The following ARB2A variants were observed in gnomAD, a reference collection of about 807,000 sequenced individuals.
The protein encoded by ARB2A is ARB2 cotranscriptional regulator A, also known as cotranscriptional regulator ARB2A.
At chr5:93,983,753 T>C in the ARB2A span, among the ~76,000 whole-genome samples, 3 of 152,220 alleles carry the variant, frequency 2.0e-5, no homozygotes, top group Non-Finnish European at 2.9e-5. Flanking sequence ...AATCACACGC[T>C]CTTGATATCA....
chr5:93,890,128 T>C, the ARB2A span, among the ~76,000 whole-genome samples: 1 of 151,946 alleles, frequency 6.6e-6, no homozygotes, highest in African/African-American at 2.4e-5. Flanking sequence ...ATGCCTCTGC[T>C]TTACAGTATC....
chr5:93,882,856 T>C, the ARB2A span, among the ~76,000 whole-genome samples: 1 of 151,510 alleles, frequency 6.6e-6, no homozygotes, highest in Admixed American at 6.6e-5. Flanking sequence ...ATAAAACTTA[T>C]AAAATCTCAT....
chr5:93,939,929 AT>A, the ARB2A span, among the ~76,000 whole-genome samples: 10 of 151,966 alleles, frequency 6.6e-5, no homozygotes, highest in Non-Finnish European at 7.4e-5. Context: ...ATAAAGTCAA[AT>A]GTGAATGGCC....
chr5:93,973,702 T>A, the ARB2A span, among the ~76,000 whole-genome samples: 1 of 152,116 alleles, frequency 6.6e-6, no homozygotes, highest in Admixed American at 6.5e-5. Context: ...TCCATGAGAT[T>A]AACAGCAGAA....
the ARB2A span, among the ~76,000 whole-genome samples, chr5:93,885,434 C>T: frequency 6.6e-6 from 1 of 151,572 alleles, no homozygotes; most frequent in Non-Finnish European, 1.5e-5. Flanking sequence ...TTCAAATATA[C>T]ATCGAAACCC....
chr5:93,859,444 A>G, the ARB2A span, among the ~76,000 whole-genome samples: 1 of 152,154 alleles, frequency 6.6e-6, no homozygotes, highest in Non-Finnish European at 1.5e-5. Flanking sequence ...ATATATTTGT[A>G]TCACCTAGGC....
chr5:93,672,267 T>C, the ARB2A span, among the ~76,000 whole-genome samples: 1 of 152,000 alleles, frequency 6.6e-6, no homozygotes, highest in Non-Finnish European at 1.5e-5. Context: ...CTTTTGGCAG[T>C]AGTCTTAAAA....
chr5:93,656,811 G>T, the ARB2A span, among the ~76,000 whole-genome samples: 3 of 148,400 alleles, frequency 2.0e-5, no homozygotes, highest in African/African-American at 5.0e-5. Context: ...TTTATAAGTT[G>T]TTTTTTTTTT....
the ARB2A span, among the ~76,000 whole-genome samples, chr5:93,991,833 G>A: frequency 6.6e-6 from 1 of 151,928 alleles, no homozygotes; most frequent in East Asian, 1.9e-4. Flanking sequence ...TTGTGGATGG[G>A]AGAAAAGATA....
the ARB2A span, chr5:93,734,493 A>T: frequency 1.8e-4 from 28 of 152,336 alleles, no homozygotes; most frequent in African/African-American, 6.7e-4. Context: ...GAAAATGCAC[A>T]TATGTACAAA....
chr5:93,909,326 C>A, the ARB2A span, among the ~76,000 whole-genome samples: 1 of 150,698 alleles, frequency 6.6e-6, no homozygotes, highest in Non-Finnish European at 1.5e-5. Flanking sequence ...AGTAATAGCA[C>A]CGCTGAATAA....
chr5:93,921,219 C>T, the ARB2A span, among the ~76,000 whole-genome samples: 1 of 149,786 alleles, frequency 6.7e-6, no homozygotes, highest in African/African-American at 2.5e-5. Context: ...CCAGCAGGTG[C>T]AAAGCCCTTC....
At chr5:94,048,051 C>CTTTTTTTTTTTTTTTTTTTTTTTT in the ARB2A span, among the ~76,000 whole-genome samples, 2 of 96,086 alleles carry the variant, frequency 2.1e-5, no homozygotes, top group African/African-American at 8.0e-5. Flanking sequence ...AATCGGTAAG[C>CTTTTTTTTTTTTTTTTTTTTTTTT]TTTTTTTTTT....
At chr5:93,864,598 T>G in the ARB2A span, among the ~76,000 whole-genome samples, 1 of 152,076 alleles carries the variant, frequency 6.6e-6, no homozygotes, top group Admixed American at 6.6e-5. Flanking sequence ...TGTAAAAAAA[T>G]TCTTATAGAA....
the ARB2A span, among the ~76,000 whole-genome samples, chr5:94,064,550 A>C: frequency 6.6e-6 from 1 of 152,202 alleles, no homozygotes; most frequent in Non-Finnish European, 1.5e-5. Flanking sequence ...ATTATAGTCA[A>C]ACTGTCAGAA....
chr5:93,737,961 T>A, the ARB2A span: 1 of 442,514 alleles, frequency 2.3e-6, no homozygotes, highest in African/African-American at 2.0e-5. Context: ...AAAGAAAAAA[T>A]GGATAAGCTG....
At chr5:93,779,967 CT>C in the ARB2A span, among the ~76,000 whole-genome samples, 1 of 151,920 alleles carries the variant, frequency 6.6e-6, no homozygotes. Context: ...TTTGAAATAA[CT>C]TTTTTTAAAT....
chr5:94,065,103 T>A, the ARB2A span, among the ~76,000 whole-genome samples: 2 of 152,218 alleles, frequency 1.3e-5, no homozygotes, highest in African/African-American at 4.8e-5. Context: ...TGAATTAAAC[T>A]TTCAATAAAA....
the ARB2A span, among the ~76,000 whole-genome samples, chr5:93,971,792 C>A: frequency 5.9e-5 from 9 of 151,864 alleles, no homozygotes; most frequent in African/African-American, 2.2e-4. Context: ...TTAAAATATA[C>A]CAATAAATGG....
Sources: gnomAD v4.1 joint callset for allele counts (sites outside exome capture counted in the v4.1 genomes callset) on GRCh38, gnomAD v4.1.1 for gene constraint, MANE v1.5 for transcripts, NCBI Gene and HGNC (gene_info 2026-07-23, HGNC 2026-07-21) for gene names.